PCDH9: variants seen among roughly 807,000 people sequenced by gnomAD.
PCDH9 encodes the protein protocadherin-9.
PCDH9 carries 24 observed loss-of-function variants against 70.6 expected under a neutral mutation model. The observed-to-expected ratio is 0.34, with a 90% CI of 0.25 to 0.48. PCDH9 has a LOEUF of 0.48. PCDH9 is among the 20% of genes least tolerant of loss of function. PCDH9 has a pLI of 0.99. For missense variants in PCDH9, 1,281 were observed against 1,503.6 expected (o/e 0.85, Z 2.45); for synonymous variants, 562 against 558.5 (o/e 1.01, Z -0.09).
intron 3 of PCDH9, among the ~76,000 whole-genome samples, chr13:66,684,627 C>G (rs1218550546): frequency 6.6e-6 from 1 of 152,104 alleles, no homozygotes; most frequent in Non-Finnish European, 1.5e-5. Context: ...TTCCCTTCAG[C>G]CATGATTGTA....
intron 2 of PCDH9, among the ~76,000 whole-genome samples, chr13:67,052,385 T>C (rs1408130189): frequency 6.6e-6 from 1 of 151,984 alleles, no homozygotes; most frequent in Admixed American, 6.6e-5. Flanking sequence ...AAGAGGTTAA[T>C]GGGCTCCAGG....
intron 4 of PCDH9, among the ~76,000 whole-genome samples, chr13:66,371,679 AGTAGCTC>A (rs1956656734): frequency 6.6e-6 from 1 of 152,136 alleles, no homozygotes; most frequent in African/African-American, 2.4e-5. Context: ...AACAGATTAA[AGTAGCTC>A]TTAATTTTAA....
At chr13:67,156,529 G>A (rs60474260) in intron 2 of PCDH9, among the ~76,000 whole-genome samples, 2 of 152,014 alleles carry the variant, frequency 1.3e-5, no homozygotes, top group Non-Finnish European at 2.9e-5. Context: ...CCTGGCCGTG[G>A]AGTGCCCCAA....
At chr13:67,126,265 A>G (rs2086977981) in intron 2 of PCDH9, among the ~76,000 whole-genome samples, 1 of 152,162 alleles carries the variant, frequency 6.6e-6, no homozygotes, top group Non-Finnish European at 1.5e-5. Context: ...CAGTATTCTC[A>G]TAAATAGAGT....
chr13:67,120,370 T>C (rs1197868022), intron 2 of PCDH9, among the ~76,000 whole-genome samples: 1 of 152,084 alleles, frequency 6.6e-6, no homozygotes, highest in Non-Finnish European at 1.5e-5. Flanking sequence ...ACCATTGGGA[T>C]GAATGTGAAT....
At chr13:66,473,856 G>T (rs1958667361) in intron 4 of PCDH9, among the ~76,000 whole-genome samples, 1 of 152,084 alleles carries the variant, frequency 6.6e-6, no homozygotes, top group Non-Finnish European at 1.5e-5. Flanking sequence ...ATCTCCTGTG[G>T]ATATGCAGGT....
intron 2 of PCDH9, among the ~76,000 whole-genome samples, chr13:66,908,519 G>A (rs1050738845): frequency 2.6e-5 from 4 of 152,104 alleles, no homozygotes; most frequent in Admixed American, 6.5e-5. Context: ...CTATTCATAA[G>A]ATAAGAAAAG....
chr13:67,043,834 C>T (rs1442058706), intron 2 of PCDH9, among the ~76,000 whole-genome samples: 3 of 151,964 alleles, frequency 2.0e-5, no homozygotes, highest in South Asian at 2.1e-4. Flanking sequence ...ATATACATAG[C>T]CTTGTTTATG....
chr13:66,468,896 C>G (rs771412886), intron 4 of PCDH9, among the ~76,000 whole-genome samples: 3 of 152,022 alleles, frequency 2.0e-5, no homozygotes, highest in Admixed American at 6.6e-5. Context: ...AAGATATAGT[C>G]AGGCTGCACC....
intron 4 of PCDH9, among the ~76,000 whole-genome samples, chr13:66,437,049 C>T (rs1193393697): frequency 6.7e-6 from 1 of 149,582 alleles, no homozygotes; most frequent in Non-Finnish European, 1.5e-5. Context: ...TACCTCGTGA[C>T]GAGAAAGCAG....
chr13:67,056,806 GATC>G (rs1424162949), intron 2 of PCDH9, among the ~76,000 whole-genome samples: 2 of 152,012 alleles, frequency 1.3e-5, no homozygotes, highest in Non-Finnish European at 2.9e-5. Flanking sequence ...TCATCATCAT[GATC>G]ATCATCCTGA....
intron 4 of PCDH9, among the ~76,000 whole-genome samples, chr13:66,582,457 A>C (rs1392005549): frequency 6.6e-6 from 1 of 151,886 alleles, no homozygotes; most frequent in Non-Finnish European, 1.5e-5. Flanking sequence ...ACATGGCAAA[A>C]CCCTTTCTCT....
intron 2 of PCDH9, among the ~76,000 whole-genome samples, chr13:67,100,181 T>C (rs2086402798): frequency 2.0e-5 from 3 of 152,182 alleles, no homozygotes; most frequent in Admixed American, 1.3e-4. Context: ...AGCTGACCCA[T>C]AACATATTAA....
chr13:66,734,409 T>C (rs774171689), intron 3 of PCDH9, among the ~76,000 whole-genome samples: 1 of 152,220 alleles, frequency 6.6e-6, no homozygotes, highest in African/African-American at 2.4e-5. Flanking sequence ...TTCCCTGTAA[T>C]AAACAGTAAT....
intron 3 of PCDH9, among the ~76,000 whole-genome samples, chr13:66,705,243 A>G (rs997438695): frequency 6.6e-6 from 1 of 152,200 alleles, no homozygotes; most frequent in Non-Finnish European, 1.5e-5. Context: ...GTGCATGCCA[A>G]GACATCATTT....
intron 3 of PCDH9, among the ~76,000 whole-genome samples, chr13:66,870,775 T>G (rs1480237900): frequency 6.6e-6 from 1 of 152,092 alleles, no homozygotes; most frequent in Non-Finnish European, 1.5e-5. Context: ...TAGGAACACT[T>G]TGACACTGGT....
intron 2 of PCDH9, among the ~76,000 whole-genome samples, chr13:67,172,128 C>T (rs1355493305): frequency 6.6e-6 from 1 of 152,216 alleles, no homozygotes; most frequent in African/African-American, 2.4e-5. Context: ...ACATCAGCTT[C>T]TCTTCCAATT....
intron 3 of PCDH9, among the ~76,000 whole-genome samples, chr13:66,663,410 G>A (rs900486327): frequency 2.0e-5 from 3 of 152,240 alleles, no homozygotes; most frequent in South Asian, 2.1e-4. Context: ...AGCACTTTCC[G>A]AGAAGGCCTT....
chr13:67,206,624 T>C (rs1371697293), intron 2 of PCDH9: 1 of 152,208 alleles, frequency 6.6e-6, no homozygotes, highest in Non-Finnish European at 1.5e-5. Context: ...AAATAACTTA[T>C]ATGCATGTTT....
Sources: allele counts gnomAD v4.1 joint callset (sites outside exome capture counted in the v4.1 genomes callset), GRCh38; gene constraint gnomAD v4.1.1; transcripts MANE v1.5; gene names NCBI Gene and HGNC (gene_info 2026-07-23, HGNC 2026-07-21).